IMMP2L: variants seen among roughly 807,000 people sequenced by gnomAD.
The protein encoded by IMMP2L is mitochondrial inner membrane protease subunit 2.
IMMP2L carries 18 observed loss-of-function variants against 19.3 expected under a neutral mutation model. The observed-to-expected ratio is 0.93, with a 90% confidence interval of 0.64 to 1.38. The LOEUF (loss-of-function observed/expected upper bound fraction) is 1.38, where lower values mean the gene tolerates loss of function less well. Among genes scored for constraint, IMMP2L ranks in the 40% most tolerant of loss-of-function variants. The probability of loss-of-function intolerance (pLI) is 0.00; values close to 1 mark genes in which losing one functional copy is unlikely to be tolerated. For missense variants in IMMP2L, 233 were observed against 218.2 expected (o/e 1.07, Z -0.43); for synonymous variants, 76 against 73.0 (o/e 1.04, Z -0.21).
Position 110,684,797 on chromosome 7 carries a change from C to T in IMMP2L, c.409-21076G>A, listed in dbSNP as rs1036200454. 2.6e-5 allele frequency among the ~76,000 whole-genome samples: 4 copies of T among 152,110 alleles called. No individual in the cohort carries two copies. The East Asian group carries it at 7.8e-4, about 30-fold the overall frequency. ...AAGAAACTGTCACCAATCCATTTCCCTACCAAAGTGGAATGGAACAAGATA... is the reference window on the plus strand; with the variant it reads ...AAGAAACTGTCACCAATCCATTTCCTTACCAAAGTGGAATGGAACAAGATA... On this transcript the variant is annotated intron_variant, in intron 5 of 5. Coordinates refer to ENST00000405709, the MANE Select transcript of IMMP2L (RefSeq NM_032549.4).
chr7:111,484,633 C>T (rs1263786574), intron 3 of IMMP2L, among the ~76,000 whole-genome samples: 1 of 151,972 alleles, frequency 6.6e-6, no homozygotes, highest in Non-Finnish European at 1.5e-5. Context: ...CAAACTGATG[C>T]ATTGTATAAG....
At chr7:110,874,245 G>A (rs111374547) in intron 5 of IMMP2L, among the ~76,000 whole-genome samples, 1,593 of 152,074 alleles carry the variant, frequency 0.01, 28 homozygotes, top group African/African-American at 0.036. Context: ...TGTAAATAAC[G>A]TTATTAAGAG....
intron 1 of IMMP2L, among the ~76,000 whole-genome samples, chr7:111,557,235 T>C (rs11973744): frequency 0.78 from 118,511 of 151,926 alleles, 47,864 homozygotes; most frequent in East Asian, 0.97. Context: ...AACCCCACTC[T>C]ACCCTCAATC....
chr7:110,851,765 T>G (rs1806247189), intron 5 of IMMP2L, among the ~76,000 whole-genome samples: 1 of 152,166 alleles, frequency 6.6e-6, no homozygotes, highest in Non-Finnish European at 1.5e-5. Flanking sequence ...GCAGAAATTC[T>G]AAATGTCCAT....
At chr7:111,058,149 C>G (rs1793682802) in intron 3 of IMMP2L, among the ~76,000 whole-genome samples, 1 of 151,986 alleles carries the variant, frequency 6.6e-6, no homozygotes, top group Non-Finnish European at 1.5e-5. Flanking sequence ...CTTTTACAAA[C>G]CCATATAAAC....
intron 3 of IMMP2L, among the ~76,000 whole-genome samples, chr7:111,106,728 C>A (rs1463133291): frequency 6.8e-6 from 1 of 147,738 alleles, no homozygotes; most frequent in African/African-American, 2.5e-5. Flanking sequence ...ACTGCCCTTA[C>A]AGATCTTGCA....
At chr7:111,521,950 G>A (rs1362870667) in intron 1 of IMMP2L, among the ~76,000 whole-genome samples, 1 of 152,030 alleles carries the variant, frequency 6.6e-6, no homozygotes, top group Admixed American at 6.6e-5. Context: ...CCCTGAAAAG[G>A]AGGATGCCCT....
chr7:110,944,511 CAGAG>C (rs1032840921), intron 4 of IMMP2L, among the ~76,000 whole-genome samples: 1 of 147,838 alleles, frequency 6.8e-6, no homozygotes, highest in Non-Finnish European at 1.5e-5. Flanking sequence ...CAGAGAGAGA[CAGAG>C]AGAGAATGAG....
At chr7:111,185,446 T>G (rs970363571) in intron 3 of IMMP2L, among the ~76,000 whole-genome samples, 1 of 152,030 alleles carries the variant, frequency 6.6e-6, no homozygotes, top group African/African-American at 2.4e-5. Context: ...CCGGAGAAAT[T>G]CCAGATGTCA....
intron 3 of IMMP2L, among the ~76,000 whole-genome samples, chr7:111,279,002 C>A (rs746650943): frequency 6.6e-6 from 1 of 152,008 alleles, no homozygotes; most frequent in Non-Finnish European, 1.5e-5. Context: ...TTTCAACCAC[C>A]CAAATAATCC....
At chr7:110,785,681 T>C (rs1800026148) in intron 5 of IMMP2L, among the ~76,000 whole-genome samples, 1 of 151,976 alleles carries the variant, frequency 6.6e-6, no homozygotes, top group South Asian at 2.1e-4. Flanking sequence ...GAATGCATAT[T>C]TGTCAACAGA....
intron 3 of IMMP2L, among the ~76,000 whole-genome samples, chr7:111,461,770 T>C (rs1043465639): frequency 1.3e-5 from 2 of 152,130 alleles, no homozygotes; most frequent in Non-Finnish European, 2.9e-5. Flanking sequence ...AGGAATGTTT[T>C]TCATATTGTT....
intron 3 of IMMP2L, among the ~76,000 whole-genome samples, chr7:111,317,095 GC>G (rs1824194097): frequency 6.6e-6 from 1 of 151,580 alleles, no homozygotes; most frequent in Non-Finnish European, 1.5e-5. Flanking sequence ...TGATCCGCCC[GC>G]CTCAGCCTCC....
intron 3 of IMMP2L, among the ~76,000 whole-genome samples, chr7:111,187,129 A>G (rs1469530435): frequency 1.3e-5 from 2 of 152,150 alleles, no homozygotes; most frequent in Non-Finnish European, 2.9e-5. Flanking sequence ...GGACAACTGC[A>G]AACATACAGT....
chr7:111,304,623 T>C (rs946282306), intron 3 of IMMP2L, among the ~76,000 whole-genome samples: 2 of 151,526 alleles, frequency 1.3e-5, no homozygotes, highest in African/African-American at 4.9e-5. Flanking sequence ...AATGTATGGG[T>C]GTATATACAT....
intron 3 of IMMP2L, among the ~76,000 whole-genome samples, chr7:111,078,082 C>G (rs1237390839): frequency 3.9e-5 from 6 of 152,190 alleles, no homozygotes; most frequent in African/African-American, 1.4e-4. Flanking sequence ...TGTCTGGAAT[C>G]ATTATTTACT....
In IMMP2L at chr7:110,896,659, T is replaced by TA. The variant is rs1451302039; in HGVS notation, c.306-9965_306-9964insT. On this transcript the variant is annotated intron_variant, in intron 4 of 5. Coordinates refer to ENST00000405709, the MANE Select transcript of IMMP2L (RefSeq NM_032549.4). ...AATACTGAGGTATTTTCGTATGTTA[T>TA]TTTACATATAATTGGTATTATTGCA... 8.6e-5 allele frequency among the ~76,000 whole-genome samples: 13 copies of TA among 151,522 alleles called. 4 individuals are homozygous for TA. Among genetic ancestry groups the TA allele is most frequent in the Admixed American group, 1.3e-4 (2 of 15,186 alleles).
At chr7:111,276,141 G>A (rs917682603) in intron 3 of IMMP2L, among the ~76,000 whole-genome samples, 4 of 151,974 alleles carry the variant, frequency 2.6e-5, no homozygotes, top group African/African-American at 7.2e-5. Context: ...GTCTTTTGAG[G>A]ATATTTATCA....
At chr7:111,000,923 CTTGT>C (rs1397144915) in intron 3 of IMMP2L, among the ~76,000 whole-genome samples, 8 of 151,630 alleles carry the variant, frequency 5.3e-5, no homozygotes, top group African/African-American at 1.7e-4. Context: ...TTTTGACATT[CTTGT>C]TTGTTTTGCA....
Sources: allele counts gnomAD v4.1 joint callset (sites outside exome capture counted in the v4.1 genomes callset), GRCh38; gene constraint gnomAD v4.1.1; transcripts MANE v1.5; gene names NCBI Gene and HGNC (gene_info 2026-07-23, HGNC 2026-07-21).